Variants in LGR6 observed in about 807,000 individuals in gnomAD.
The protein encoded by LGR6 is leucine rich repeat containing G protein-coupled receptor 6.
LGR6 carries 45 observed loss-of-function variants against 69.4 expected under a neutral mutation model. The observed-to-expected ratio is 0.65, with a 90% CI of 0.51 to 0.83. The LOEUF (loss-of-function observed/expected upper bound fraction) is 0.83, where lower values mean the gene tolerates loss of function less well. Among genes scored for constraint, LGR6 ranks in the 40% least tolerant of loss-of-function variants. LGR6 has a pLI of 0.00. For missense variants in LGR6, 1,108 were observed against 1,246.7 expected, an observed-to-expected ratio of 0.89 and a Z score of 1.68; for synonymous variants, 538 against 555.0, an observed-to-expected ratio of 0.97 and a Z score of 0.43.
chr1:202,213,081 C>T (rs1659524023), intron 1 of LGR6, among the ~76,000 whole-genome samples: 2 of 152,198 alleles, frequency 1.3e-5, no homozygotes, highest in Admixed American at 1.3e-4. Context: ...ACACACTGTT[C>T]ACAGGGGCAC....
At chr1:202,252,324 C>CG in intron 4 of LGR6, among the ~76,000 whole-genome samples, 1 of 152,290 alleles carries the variant, frequency 6.6e-6, no homozygotes, top group East Asian at 1.9e-4. Context: ...CTGCCTGCAT[C>CG]AATACAGCCC....
chr1:202,228,582 C>G (rs1343480143), intron 3 of LGR6, among the ~76,000 whole-genome samples: 1 of 152,192 alleles, frequency 6.6e-6, no homozygotes, highest in Non-Finnish European at 1.5e-5. Context: ...TGTTATTCCA[C>G]CTAGCTTCCA....
chr1:202,307,514 A>G, intron 14 of LGR6, 113 bp downstream of exon 14: 2 of 837,884 alleles, frequency 2.4e-6, no homozygotes, highest in South Asian at 1.5e-5. Flanking sequence ...TCCCAGGGAG[A>G]TGGGCCTCAG....
rs192562602 is a variant in LGR6 at position 202,197,540 on chromosome 1, C to T, written c.212+3339C>T. 2.2e-4 allele frequency: 109 copies of T among 506,078 alleles called. 1 individual carries two copies. The East Asian group carries it at 5.0e-3, about 23-fold the overall frequency. 31.3% of individuals were successfully genotyped at this position (506,078 alleles called of 1,614,324 possible). On this transcript the variant is annotated intron_variant, in intron 1 of 17. Transcript: ENST00000367278. Reference sequence around the variant, plus strand: ...AATAGACCAAGAGGGAGATGGAGCCCCTGGCTCTGGGACATCCAATCTGAT... The same window carrying T: ...AATAGACCAAGAGGGAGATGGAGCCTCTGGCTCTGGGACATCCAATCTGAT...
At chr1:202,196,135 T>A (rs1658631088) in intron 1 of LGR6, among the ~76,000 whole-genome samples, 1 of 151,966 alleles carries the variant, frequency 6.6e-6, no homozygotes, top group Admixed American at 6.5e-5. Context: ...GTATGATGGG[T>A]CCTGAGGCAA....
At chr1:202,284,994 A>G (rs1438255006) in intron 6 of LGR6, among the ~76,000 whole-genome samples, 1 of 152,240 alleles carries the variant, frequency 6.6e-6, no homozygotes, top group African/African-American at 2.4e-5. Context: ...TAGTGAGAAC[A>G]GAAATCTTCT....
intron 4 of LGR6, among the ~76,000 whole-genome samples, chr1:202,255,192 G>A (rs1663661937): frequency 1.3e-5 from 2 of 152,204 alleles, no homozygotes; most frequent in African/African-American, 4.8e-5. Flanking sequence ...TCACCACAGG[G>A]TTTTCGTGGA....
At chr1:202,282,904 C>A (rs1666119456) in intron 6 of LGR6, among the ~76,000 whole-genome samples, 1 of 152,216 alleles carries the variant, frequency 6.6e-6, no homozygotes, top group South Asian at 2.1e-4. Flanking sequence ...GGGCCTGCAC[C>A]CACTTTACCA....
chr1:202,214,135 T>TC (rs1363107456), intron 1 of LGR6: 1 of 1,478,490 alleles, frequency 6.8e-7, no homozygotes, highest in African/African-American at 1.5e-5. Flanking sequence ...GAACTGGCAC[T>TC]CGAGGTCCCA....
chr1:202,270,387 CGT>C (rs1198141441), intron 4 of LGR6, among the ~76,000 whole-genome samples: 1 of 152,122 alleles, frequency 6.6e-6, no homozygotes, highest in Non-Finnish European at 1.5e-5. Context: ...GGATTATAGG[CGT>C]GTGCCACCAC....
chr1:202,280,609 T>TC (rs948781925), intron 5 of LGR6, among the ~76,000 whole-genome samples, 172 bp from the exon 6 acceptor site: 11 of 152,156 alleles, frequency 7.2e-5, no homozygotes, highest in Non-Finnish European at 1.5e-4. Flanking sequence ...GATTGTGGCT[T>TC]CAGAAGTCAG....
chr1:202,199,398 A>ATG (rs925358032), intron 1 of LGR6, among the ~76,000 whole-genome samples: 14 of 152,076 alleles, frequency 9.2e-5, no homozygotes, highest in African/African-American at 3.4e-4. Flanking sequence ...AGGTGGGTGA[A>ATG]TGTGTGGGGG....
At chr1:202,235,542 G>A (rs1322009877) in intron 3 of LGR6, among the ~76,000 whole-genome samples, 3 of 152,112 alleles carry the variant, frequency 2.0e-5, no homozygotes, top group Admixed American at 6.5e-5. Context: ...GAATAGACAC[G>A]GAAACTGACA....
Position 202,268,020 on chromosome 1 carries a change from C to T in LGR6, c.429-8286C>T, listed in dbSNP as rs976401300. On this transcript the variant is annotated intron_variant, in intron 4 of 17. Coordinates refer to ENST00000367278, the MANE Select transcript of LGR6 (RefSeq NM_001017403.2). The surrounding 1 kb of genome is among the most constrained non-coding windows in gnomAD (Gnocchi z 4.4). ...ATAAAGGGCCTTCACAGAATGCAGG[C>T]TGTGTTCTCCAGGAGAGAGGCTGGG... Among the ~76,000 whole-genome samples the T allele has an allele frequency of 1.3e-5, 2 of 152,176 alleles. No individual in the cohort carries two copies. Among genetic ancestry groups the T allele is most frequent in the African/African-American group, 4.8e-5 (2 of 41,454 alleles).
intron 1 of LGR6, among the ~76,000 whole-genome samples, chr1:202,206,724 G>GT (rs568387338): frequency 4.0e-5 from 6 of 151,766 alleles, no homozygotes; most frequent in African/African-American, 7.3e-5. Context: ...TAATTTTTAA[G>GT]TTTTTTTAAA....
rs147221973 is a variant in LGR6, at chr1:202,256,038, C to G, written c.428+20045C>G. ...AAATCCTTACTCATTAGCAGTCACT[C>G]TCTATCTCATCTTCCCCCAGCCCCT... is the stretch of plus-strand genomic sequence containing the variant. On this transcript the variant is annotated intron_variant, in intron 4 of 17. Coordinates refer to ENST00000367278, the MANE Select transcript of LGR6 (RefSeq NM_001017403.2). Among the ~76,000 whole-genome samples, 265 of 152,308 alleles carry G rather than the reference C, an allele frequency of 1.7e-3. No individual in the cohort carries two copies. The South Asian group carries it at 0.02, about 11-fold the overall frequency.
At chr1:202,204,745 C>CCTT in intron 1 of LGR6, among the ~76,000 whole-genome samples, 1 of 113,340 alleles carries the variant, frequency 8.8e-6, no homozygotes, top group Non-Finnish European at 1.8e-5. Context: ...ACACACACCT[C>CCTT]CAAACACACA....
chr1:202,235,894 C>A, intron 3 of LGR6, 28 bp from the exon 4 acceptor site: 1 of 1,610,056 alleles, frequency 6.2e-7, no homozygotes, highest in South Asian at 1.1e-5. Context: ...CCATGTGCGT[C>A]CTTAAAGCCC....
chr1:202,278,759 T>C (rs1571951917), intron 5 of LGR6, among the ~76,000 whole-genome samples: 1 of 152,154 alleles, frequency 6.6e-6, no homozygotes, highest in East Asian at 1.9e-4. Flanking sequence ...GGGGCCTGGC[T>C]GGAGGTGTGA....
Sources: gnomAD v4.1 joint callset for allele counts (sites outside exome capture counted in the v4.1 genomes callset) on GRCh38, gnomAD v4.1.1 for gene constraint, Gnocchi (gnomAD v3.1) non-coding constraint, MANE v1.5 for transcripts, NCBI Gene and HGNC (gene_info 2026-07-23, HGNC 2026-07-21) for gene names.